Variants in SUPT6H observed in about 807,000 individuals in gnomAD.
SUPT6H encodes SPT6 homolog, histone chaperone and transcription elongation factor.
SUPT6H carries 11 observed loss-of-function variants against 222.3 expected under a neutral mutation model. That is an observed-to-expected ratio of 0.05 (90% CI 0.03 to 0.08). SUPT6H has a LOEUF of 0.08. SUPT6H is among the 10% of genes least tolerant of loss of function. The pLI is 1.00. For missense variants in SUPT6H, 1,422 were observed against 2,216.0 expected (o/e 0.64, Z 7.19); for synonymous variants, 762 against 801.2 (o/e 0.95, Z 0.83).
At chr17:28,686,990 A>G in intron 21 of SUPT6H, 98 bp from the exon 22 acceptor site, 1 of 1,532,896 alleles carries the variant, frequency 6.5e-7, no homozygotes, top group South Asian at 1.2e-5. Flanking sequence ...GATCCCAGAG[A>G]AGCAGAGAAA....
Position 28,690,162 on chromosome 17 carries a change from C to A in SUPT6H, c.3423C>A (p.Tyr1141Ter). The change falls in exon 26 of 37, where the codon TAC becomes TAA. Residue 1141 changes from tyrosine to a stop codon, truncating the protein, a stop_gained. Coordinates refer to ENST00000314616, the MANE Select transcript of SUPT6H (RefSeq NM_003170.5). LOFTEE classifies it high-confidence loss of function. ...GATATAAGGACCTCCGGACAGCCTACCGCTCTCCCAACACAGAGGAGATCT... is the reference window on the plus strand; with the variant it reads ...GATATAAGGACCTCCGGACAGCCTAACGCTCTCCCAACACAGAGGAGATCT... ...SCRYKDLRTA[Y>*]RSPNTEEIFN... The A allele has an allele frequency of 6.2e-7, 1 of 1,613,886 alleles. No individual in the cohort carries two copies. Among genetic ancestry groups the A allele is most frequent in the Non-Finnish European group, 8.5e-7 (1 of 1,180,030 alleles).
At chr17:28,673,343 T>A in intron 1 of SUPT6H, 28 bp from the exon 2 acceptor site, 2 of 1,437,564 alleles carry the variant, frequency 1.4e-6, no homozygotes, top group Non-Finnish European at 1.9e-6. Context: ...TGTCCGTTTT[T>A]TTATCCTTCA....
chr17:28,667,431 A>ATATATATATG (rs1460858797), intron 1 of SUPT6H, among the ~76,000 whole-genome samples: 1 of 135,040 alleles, frequency 7.4e-6, no homozygotes, highest in Non-Finnish European at 1.6e-5. Context: ...ATATATATAT[A>ATATATATATG]TATATGTATG....
At chr17:28,667,419 ATATATATATATATATATG>A (rs1351277682) in intron 1 of SUPT6H, among the ~76,000 whole-genome samples, 2 of 131,000 alleles carry the variant, frequency 1.5e-5, no homozygotes, top group Non-Finnish European at 3.2e-5. Context: ...ATATATATAT[ATATATATATATATATATG>A]TATGTGTGTG....
At chr17:28,666,742 G>C (rs2030046694) in intron 1 of SUPT6H, among the ~76,000 whole-genome samples, 2 of 152,016 alleles carry the variant, frequency 1.3e-5, no homozygotes, top group Non-Finnish European at 2.9e-5. Flanking sequence ...AGTGGAGACA[G>C]GGTTTCATCA....
At chr17:28,662,602 T>C (rs1411242604) in intron 1 of SUPT6H, among the ~76,000 whole-genome samples, 1 of 152,120 alleles carries the variant, frequency 6.6e-6, no homozygotes, top group East Asian at 1.9e-4. Flanking sequence ...TGGCATCCCG[T>C]CCTTCTCTCC....
chr17:28,668,353 T>C (rs1445815783), intron 1 of SUPT6H, among the ~76,000 whole-genome samples: 1 of 152,186 alleles, frequency 6.6e-6, no homozygotes, highest in Non-Finnish European at 1.5e-5. Context: ...TATTCTAGAG[T>C]AGTTCCCGCT....
At chr17:28,689,184 C>T in intron 24 of SUPT6H, 170 bp from the exon 25 acceptor site, 1 of 616,994 alleles carries the variant, frequency 1.6e-6, no homozygotes, top group South Asian at 2.1e-5. Flanking sequence ...TTGTGGCCAT[C>T]TTTCCATGTC....
chr17:28,670,377 G>A (rs951448550), intron 1 of SUPT6H: 4 of 152,186 alleles, frequency 2.6e-5, no homozygotes, highest in Non-Finnish European at 5.9e-5. Flanking sequence ...TGGTAGGTGT[G>A]TAATAAGCAT....
At chr17:28,699,528 T>G (rs752738541) in intron 32 of SUPT6H, among the ~76,000 whole-genome samples, 10 of 152,182 alleles carry the variant, frequency 6.6e-5, no homozygotes, top group Non-Finnish European at 1.5e-4. Flanking sequence ...CAGCCCAGTA[T>G]GGTAGCACAG....
intron 20 of SUPT6H, 43 bp from the exon 21 acceptor site, chr17:28,686,611 T>C: frequency 6.4e-7 from 1 of 1,554,154 alleles, no homozygotes; most frequent in African/African-American, 1.4e-5. Flanking sequence ...AGACTGTCCA[T>C]CCCTAAGAAA....
rs750495493 is a variant in SUPT6H at position 28,696,835 on chromosome 17, C to A, written c.3971-9C>A. The A allele has an allele frequency of 3.1e-6, 5 of 1,613,332 alleles. No homozygotes were observed. In the East Asian group the frequency reaches 8.9e-5, roughly 29 times the overall value. ...CACCCAGTCTGTACTGCTTTTCTGC[C>A]CTTTTCAGCATACATCAAGAGAGTG... is the stretch of plus-strand genomic sequence containing the variant. On this transcript the variant is annotated splice_polypyrimidine_tract_variant and intron_variant, in intron 29 of 36. Coordinates refer to ENST00000314616, the MANE Select transcript of SUPT6H (RefSeq NM_003170.5).
chr17:28,688,021 T>C lies in SUPT6H; in HGVS notation c.3007-70T>C, dbSNP rs1453968009. 5.4e-6 allele frequency: 8 copies of C among 1,474,470 alleles called. No homozygotes were observed. The highest frequency in any genetic ancestry group is 7.2e-6 in the Non-Finnish European group (8 of 1,107,500). The allele number at this position is 1,474,470 out of a possible 1,614,324, so 91.3% of individuals were successfully genotyped here. A position where few individuals can be genotyped will look rare whatever the true frequency, so the allele number is the denominator to read the frequency against. ...CAGAGTTTTTGTTATGAGGGTTTAA[T>C]AGAGACTGGAACAGTCTGGGGAGGT... On this transcript the variant is annotated intron_variant, in intron 23 of 36. Coordinates refer to ENST00000314616, the MANE Select transcript of SUPT6H (RefSeq NM_003170.5). The surrounding 1 kb of genome is among the most constrained non-coding windows in gnomAD (Gnocchi z 4.3).
chr17:28,681,764 A>G, intron 12 of SUPT6H, 118 bp from the exon 13 acceptor site: 7 of 808,918 alleles, frequency 8.7e-6, no homozygotes, highest in Non-Finnish European at 9.6e-6. Context: ...TTGACAGCCC[A>G]TGGCATCTTG....
chr17:28,684,636 A>G lies in SUPT6H; in HGVS notation c.2280A>G (p.Pro760=). The change falls in exon 18 of 37, where the codon CCA becomes CCG. Residue 760 remains proline, a synonymous_variant. Coordinates refer to ENST00000314616, the MANE Select transcript of SUPT6H (RefSeq NM_003170.5). ...GGTTGAGAGTGGCACCCTACCGACCAGATCAGCAGGTGGAAGAAGATGACG... is the reference window on the plus strand; with the variant it reads ...GGTTGAGAGTGGCACCCTACCGACCGGATCAGCAGGTGGAAGAAGATGACG... ...YNWLRVAPYR[P]DQQVEEDDDF... is the part of the protein sequence containing the mutation. 6.2e-7 allele frequency: 1 copy of G among 1,614,212 alleles called. No homozygotes were observed. The highest frequency in any genetic ancestry group is 8.5e-7 in the Non-Finnish European group (1 of 1,180,046).
Position 28,676,220 on chromosome 17 carries a change from C to T in SUPT6H, c.687C>T (p.Tyr229=). ...TTGACTATGATGAATTTGAGAAATA[C>T]AATGAGTATGATGAAGAACTGGAGG... The part of the protein sequence containing the change: ...VDFDYDEFEK[Y]NEYDEELEEE... Residue 229 remains tyrosine, a synonymous_variant, in exon 7 of 37, where the codon TAC becomes TAT. Transcript: ENST00000314616. 1 of 1,612,434 alleles carries T rather than the reference C, an allele frequency of 6.2e-7. No homozygotes were observed. Among genetic ancestry groups the T allele is most frequent in the South Asian group, 1.1e-5 (1 of 90,954 alleles).
chr17:28,679,055 G>A (rs1408617968), intron 11 of SUPT6H, 92 bp downstream of exon 11: 24 of 1,512,366 alleles, frequency 1.6e-5, no homozygotes, highest in Non-Finnish European at 2.2e-5. Context: ...AGAATGTGTA[G>A]CACAGGGCCC....
In SUPT6H at chr17:28,678,834, G is replaced by A. The variant is rs1448757333; in HGVS notation, c.1220G>A (p.Arg407Gln). The change falls in exon 11 of 37, where the codon CGG becomes CAG. Residue 407 changes from arginine to glutamine, a missense_variant. Arg to Gln is a conservative substitution (Grantham distance 43). Around this residue, in one of 13 missense-constraint regions of SUPT6H, gnomAD observed 389 missense variants for 544.6 expected, o/e 0.71. Transcript: ENST00000314616. ...ACTTCACCTTAGTGGACCCAGCTGC[G>A]GATCCGTAAAGAGAACCTAACACGG... is the stretch of plus-strand genomic sequence containing the variant. ...WQWDEKWTQLRIRKENLTRLF... is the reference protein window; with the variant it reads ...WQWDEKWTQLQIRKENLTRLF... The A allele has an allele frequency of 4.3e-6, 7 of 1,614,100 alleles. No homozygotes were observed. Among genetic ancestry groups the A allele is most frequent in the South Asian group, 1.1e-5 (1 of 91,076 alleles).
In SUPT6H at chr17:28,695,442, A is replaced by G. The variant is rs776482566; in HGVS notation, c.3865A>G (p.Arg1289Gly). ...CTGCCGCACCTCAGACCTCATGGAC[A>G]GGAACAATGAGTGGAAGCTGCCCAA... ...LTCRTSDLMD[R>G]NNEWKLPKDT... Residue 1289 changes from arginine to glycine, a missense_variant, in exon 29 of 37, where the codon AGG becomes GGG. By Grantham distance (125) the Arg-to-Gly change is moderately radical. This residue lies in a region of SUPT6H where 395 missense variants were observed against 580.6 expected (regional missense o/e 0.68). Transcript: ENST00000314616. The G allele has an allele frequency of 2.2e-5, 35 of 1,614,066 alleles. No individual in the cohort carries two copies. The Admixed American group carries it at 5.5e-4, about 25-fold the overall frequency.
Sources: allele counts gnomAD v4.1 joint callset (sites outside exome capture counted in the v4.1 genomes callset), GRCh38; gene constraint gnomAD v4.1.1; regional missense constraint gnomAD v4.1.1; non-coding constraint Gnocchi (gnomAD v3.1); transcripts MANE v1.5; gene names NCBI Gene and HGNC (gene_info 2026-07-23, HGNC 2026-07-21).